The following ARAP2 variants were observed in gnomAD, a reference collection of about 807,000 sequenced individuals.
The protein encoded by ARAP2 is ArfGAP with RhoGAP domain, ankyrin repeat and PH domain 2, also known as arf-GAP with Rho-GAP domain, ANK repeat and PH domain-containing protein 2.
ARAP2 carries 148 observed loss-of-function variants against 194.5 expected under a neutral mutation model. That is an observed-to-expected ratio of 0.76 (90% CI 0.67 to 0.87). The LOEUF is 0.87. Among genes scored for constraint, ARAP2 ranks in the 40% least tolerant of loss-of-function variants. The pLI, the probability that ARAP2 is intolerant of heterozygous loss-of-function variation, is 0.00. For missense variants in ARAP2, 2,128 were observed against 1,989.7 expected (o/e 1.07, Z -1.32); for synonymous variants, 695 against 683.5 (o/e 1.02, Z -0.26).
At position 36,068,198 on chromosome 4, in the gene ARAP2, T is replaced by G; in HGVS notation, c.4824A>C (p.Arg1608Ser). The stretch of plus-strand genomic sequence containing the variant: ...CCAGGCAGTGGGCCACCATGGAAGC[T>G]CTCTCCTTTAAGCTAGAGTCCACGG... Reference protein sequence around the residue: ...KESVDSSLKERASMVAHCLEH... With the variant: ...KESVDSSLKESASMVAHCLEH... The change falls in exon 33 of 33, where the codon AGA becomes AGC. Residue 1608 changes from arginine to serine, a missense_variant. Physicochemically the swap from Arg to Ser is moderately radical, Grantham distance 110 (BLOSUM62 -1). Coordinates refer to ENST00000303965, the MANE Select transcript of ARAP2 (RefSeq NM_015230.4). 6.2e-7 allele frequency: 1 copy of G among 1,613,656 alleles called. No individual in the cohort carries two copies. The highest frequency in any genetic ancestry group is 1.1e-5 in the South Asian group (1 of 91,002).
intron 2 of ARAP2, among the ~76,000 whole-genome samples, chr4:36,218,659 T>C (rs1748514674): frequency 6.6e-6 from 1 of 152,094 alleles, no homozygotes; most frequent in East Asian, 1.9e-4. Flanking sequence ...AAAAATAGAA[T>C]ATTTTTATGT....
chr4:36,010,426 A>C (rs938902829), intron 9 of ARAP2, among the ~76,000 whole-genome samples: 1 of 151,972 alleles, frequency 6.6e-6, no homozygotes, highest in Non-Finnish European at 1.5e-5. Context: ...ACCCCCTATG[A>C]CCAGTAAGGA....
At chr4:36,163,877 T>C (rs1435183111) in intron 11 of ARAP2, among the ~76,000 whole-genome samples, 1 of 152,114 alleles carries the variant, frequency 6.6e-6, no homozygotes, top group African/African-American at 2.4e-5. Flanking sequence ...TCACTGGCAT[T>C]TTTTGTTGTG....
At chr4:36,021,105 G>T (rs540185931) in intron 5 of ARAP2, among the ~76,000 whole-genome samples, 95 of 152,264 alleles carry the variant, frequency 6.2e-4, no homozygotes, top group African/African-American at 2.2e-3. Context: ...CCTGTGAATT[G>T]TGCTTATGCA....
chr4:36,013,124 A>G (rs1474175293), intron 8 of ARAP2, among the ~76,000 whole-genome samples: 4 of 152,198 alleles, frequency 2.6e-5, no homozygotes, highest in East Asian at 1.9e-4. Context: ...TGCATTATCA[A>G]CATTAGGTTT....
chr4:36,096,207 T>C (rs1401140421), intron 27 of ARAP2, among the ~76,000 whole-genome samples: 6 of 151,258 alleles, frequency 4.0e-5, no homozygotes, highest in African/African-American at 1.5e-4. Context: ...CTACTAAAAA[T>C]ACAAAAAATT....
At chr4:36,158,352 T>C (rs867741797) in intron 15 of ARAP2, among the ~76,000 whole-genome samples, 6 of 152,166 alleles carry the variant, frequency 3.9e-5, no homozygotes, top group Admixed American at 1.3e-4. Flanking sequence ...TAATTGAATA[T>C]GTACTAAAAA....
At chr4:36,057,601 C>T (rs1189948618) in intron 2 of ARAP2, among the ~76,000 whole-genome samples, 3 of 151,924 alleles carry the variant, frequency 2.0e-5, no homozygotes, top group African/African-American at 4.8e-5. Flanking sequence ...GTCTCCAATT[C>T]ACTAACCGTT....
At chr4:36,209,341 G>A (rs370430522) in intron 6 of ARAP2, 10 of 449,110 alleles carry the variant, frequency 2.2e-5, no homozygotes, top group East Asian at 2.1e-4. Context: ...TCATCATAAT[G>A]TAACCAGAAA....
downstream of ARAP2, among the ~76,000 whole-genome samples, chr4:36,061,313 C>T (rs1451810993): frequency 6.6e-6 from 1 of 152,122 alleles, no homozygotes; most frequent in Non-Finnish European, 1.5e-5. Context: ...TCCTTTTATT[C>T]TTTTGTATCC....
intron 26 of ARAP2, among the ~76,000 whole-genome samples, chr4:36,111,312 C>T (rs1255176874): frequency 6.6e-6 from 1 of 151,850 alleles, no homozygotes; most frequent in Non-Finnish European, 1.5e-5. Flanking sequence ...CTGCATGTTA[C>T]TAGATATAAA....
chr4:36,143,427 C>T (rs1320013195), intron 19 of ARAP2, among the ~76,000 whole-genome samples: 5 of 151,568 alleles, frequency 3.3e-5, no homozygotes, highest in African/African-American at 1.2e-4. Flanking sequence ...AAGATCTCTA[C>T]AAAGGTATTG....
At chr4:36,027,496 C>T (rs138988955) in intron 5 of ARAP2, among the ~76,000 whole-genome samples, 5 of 151,696 alleles carry the variant, frequency 3.3e-5, no homozygotes, top group East Asian at 1.9e-4. Flanking sequence ...TATTTCATTA[C>T]GAAGCAATCG....
chr4:36,053,702 T>C (rs1723055945), intron 2 of ARAP2, among the ~76,000 whole-genome samples: 1 of 152,172 alleles, frequency 6.6e-6, no homozygotes, highest in Admixed American at 6.5e-5. Flanking sequence ...TGAGTAAAAA[T>C]TGAAGAGTTT....
intron 13 of ARAP2, 97 bp from the exon 14 acceptor site, chr4:36,159,602 G>C: frequency 9.1e-7 from 1 of 1,098,098 alleles, no homozygotes; most frequent in South Asian, 2.9e-5. Context: ...ATGGGATAAA[G>C]TCTGTATTCC....
chr4:36,125,854 T>G (rs916459116), intron 21 of ARAP2, among the ~76,000 whole-genome samples: 3 of 152,054 alleles, frequency 2.0e-5, no homozygotes, highest in African/African-American at 7.2e-5. Flanking sequence ...TTCCTCTCAA[T>G]TCGCAACTAT....
intron 9 of ARAP2, among the ~76,000 whole-genome samples, chr4:36,171,284 C>T (rs372093935): frequency 1.4e-4 from 21 of 152,022 alleles, no homozygotes; most frequent in Admixed American, 2.0e-4. Context: ...TGTCCAACAA[C>T]GATAGACTGG....
rs1265077219 is a variant in ARAP2, at chr4:36,200,236, TTTTTTTA to T, written c.1488-6596_1488-6590del. 2.5e-3 allele frequency among the ~76,000 whole-genome samples: 6 copies of T among 2,414 alleles called. No homozygotes were observed. The East Asian group carries it at 0.5, about 201-fold the overall frequency. 1.6% of individuals were successfully genotyped at this position (2,414 alleles called of 152,430 possible). On this transcript the variant is annotated intron_variant, in intron 6 of 32. Coordinates refer to ENST00000303965, the MANE Select transcript of ARAP2 (RefSeq NM_015230.4). Reference sequence around the variant, plus strand: ...TATATCTTTTCTCAGCACTATTCCCTTTTTTTATTTTTGTTTATTTATTTATTTTTTT... The same window carrying T: ...TATATCTTTTCTCAGCACTATTCCCTTTTTTGTTTATTTATTTATTTTTTT...
intron 1 of ARAP2, among the ~76,000 whole-genome samples, chr4:36,241,358 A>G (rs968969035): frequency 6.6e-6 from 1 of 152,200 alleles, no homozygotes; most frequent in Non-Finnish European, 1.5e-5. Context: ...TCTTATAAAA[A>G]GAGGGCATTT....
Sources: allele counts gnomAD v4.1 joint callset (sites outside exome capture counted in the v4.1 genomes callset), GRCh38; gene constraint gnomAD v4.1.1; transcripts MANE v1.5; gene names NCBI Gene and HGNC (gene_info 2026-07-23, HGNC 2026-07-21).